Variants in PLPPR1 observed in about 807,000 individuals in gnomAD.
The protein encoded by PLPPR1 is phospholipid phosphatase related 1.
A neutral mutation model predicts 33.1 loss-of-function variants in PLPPR1; 10 were observed. That is an observed-to-expected ratio of 0.30 (90% CI 0.19 to 0.51). The LOEUF is 0.51. Among genes scored for constraint, PLPPR1 ranks in the 20% least tolerant of loss-of-function variants. PLPPR1 has a pLI of 0.97. For missense variants in PLPPR1, 304 were observed against 408.1 expected, an observed-to-expected ratio of 0.74 and a Z score of 2.20; for synonymous variants, 151 against 151.0, an observed-to-expected ratio of 1.00 and a Z score of 0.00.
chr9:101,131,850 C>G (rs1831317966), intron 1 of PLPPR1, among the ~76,000 whole-genome samples: 1 of 152,210 alleles, frequency 6.6e-6, no homozygotes, highest in African/African-American at 2.4e-5. Context: ...TTGCCACTTA[C>G]TGGCTGTGTG....
intron 4 of PLPPR1, among the ~76,000 whole-genome samples, chr9:101,294,553 A>G (rs1482252913): frequency 6.6e-6 from 1 of 151,858 alleles, no homozygotes; most frequent in Non-Finnish European, 1.5e-5. Flanking sequence ...AAAATCCTCA[A>G]TAAAATACTG....
chr9:101,305,013 T>C (rs1828831052), intron 4 of PLPPR1, among the ~76,000 whole-genome samples: 2 of 151,072 alleles, frequency 1.3e-5, no homozygotes, highest in Admixed American at 6.6e-5. Context: ...GAGAGGAGAG[T>C]CTTCAGCCAA....
At chr9:101,221,992 T>G (rs1826953053) in intron 2 of PLPPR1, among the ~76,000 whole-genome samples, 2 of 152,202 alleles carry the variant, frequency 1.3e-5, no homozygotes, top group Non-Finnish European at 1.5e-5. Flanking sequence ...AAAGAGACCA[T>G]GTAGAAAATC....
chr9:101,231,301 G>A (rs1827180165), intron 2 of PLPPR1, among the ~76,000 whole-genome samples: 2 of 150,082 alleles, frequency 1.3e-5, no homozygotes, highest in Non-Finnish European at 3.0e-5. Context: ...AAAAAAACTT[G>A]TAAGAGAGCA....
intron 4 of PLPPR1, among the ~76,000 whole-genome samples, chr9:101,286,647 T>C (rs903175834): frequency 6.6e-6 from 1 of 151,982 alleles, no homozygotes; most frequent in African/African-American, 2.4e-5. Context: ...TAACAAAGAG[T>C]GGGAAATCTC....
rs940481567 is a variant in PLPPR1 at position 101,324,847 on chromosome 9, A to T, written c.*790A>T. 7.2e-5 allele frequency: 11 copies of T among 152,622 alleles called. No individual in the cohort carries two copies. Among genetic ancestry groups the T allele is most frequent in the Admixed American group, 4.6e-4 (7 of 15,278 alleles). 9.5% of individuals were successfully genotyped at this position (152,622 alleles called of 1,614,324 possible). ...TTATATGGACTTTATATGAAAATGA[A>T]TATTTTACAGTTTGCACAGTATTAT... On this transcript the variant is annotated 3_prime_UTR_variant, in exon 8 of 8. Transcript: ENST00000374874.
At chr9:101,141,723 A>G (rs1329879976) in intron 1 of PLPPR1, among the ~76,000 whole-genome samples, 1 of 152,188 alleles carries the variant, frequency 6.6e-6, no homozygotes, top group African/African-American at 2.4e-5. Context: ...GACATGGGAA[A>G]GACGTAAAGA....
rs375882167 is a variant in PLPPR1, at chr9:101,106,413, T to A, written c.-46+77311T>A. ...TATTTCTCCTTCACTTATGAAGCTT[T>A]GTTTGGCTGGATATGAAATTCTGGG... On this transcript the variant is annotated intron_variant, in intron 1 of 7. Transcript: ENST00000374874. 1.1e-4 allele frequency among the ~76,000 whole-genome samples: 15 copies of A among 131,374 alleles called. No homozygotes were observed. The East Asian group carries it at 2.6e-3, about 22-fold the overall frequency. 86.2% of individuals were successfully genotyped at this position (131,374 alleles called of 152,430 possible).
intron 1 of PLPPR1, among the ~76,000 whole-genome samples, chr9:101,167,606 C>T (rs1267452010): frequency 1.3e-5 from 2 of 152,028 alleles, no homozygotes; most frequent in African/African-American, 4.8e-5. Flanking sequence ...AGAACTAGTG[C>T]AGACATCAAA....
chr9:101,224,869 CTG>C (rs1827029752), intron 2 of PLPPR1, among the ~76,000 whole-genome samples: 1 of 152,156 alleles, frequency 6.6e-6, no homozygotes, highest in Non-Finnish European at 1.5e-5. Flanking sequence ...CTGTCCAGGG[CTG>C]GTTCCTCCAG....
At chr9:101,300,631 G>A (rs532700802) in intron 4 of PLPPR1, among the ~76,000 whole-genome samples, 1 of 152,298 alleles carries the variant, frequency 6.6e-6, no homozygotes, top group African/African-American at 2.4e-5. Flanking sequence ...CAGATCATCA[G>A]CTTCAGCTTT....
At chr9:101,208,935 A>C (rs527591122) in intron 2 of PLPPR1, among the ~76,000 whole-genome samples, 1 of 152,290 alleles carries the variant, frequency 6.6e-6, no homozygotes, top group East Asian at 1.9e-4. Context: ...TCATTCACTT[A>C]CTGTCATTTA....
chr9:101,135,968 C>T (rs12352382), intron 1 of PLPPR1, among the ~76,000 whole-genome samples: 192 of 152,274 alleles, frequency 1.3e-3, no homozygotes, highest in African/African-American at 4.3e-3. Flanking sequence ...GGTCAGAAAC[C>T]GTAGGCAAAA....
At chr9:101,193,770 T>C (rs1295639512) in intron 2 of PLPPR1, among the ~76,000 whole-genome samples, 1 of 152,212 alleles carries the variant, frequency 6.6e-6, no homozygotes, top group Non-Finnish European at 1.5e-5. Flanking sequence ...GAGGAGCTAA[T>C]TGATTTACTT....
At chr9:101,158,380 G>C (rs931467299) in intron 1 of PLPPR1, among the ~76,000 whole-genome samples, 1 of 152,108 alleles carries the variant, frequency 6.6e-6, no homozygotes, top group South Asian at 2.1e-4. Context: ...TGAGATGGAA[G>C]GTGATAGGAC....
At chr9:101,114,985 G>T (rs2993809) in intron 1 of PLPPR1, among the ~76,000 whole-genome samples, 93,816 of 151,936 alleles carry the variant, frequency 0.62, 29,442 homozygotes, top group Non-Finnish European at 0.68. Flanking sequence ...ATCTCTTGTA[G>T]CTAATTATGT....
Position 101,309,356 on chromosome 9 carries a change from C to T in PLPPR1, c.531C>T (p.Asn177=). Residue 177 remains asparagine (N), a synonymous_variant, in exon 5 of 8, where the codon AAC becomes AAT. Coordinates refer to ENST00000374874, the MANE Select transcript of PLPPR1 (RefSeq NM_207299.2). ...ADCQAHHQFI[N]NGNICTGDLE... ...GCCAAGCGCACCACCAGTTTATAAA[C>T]AATGGGAACATTTGTACTGGGGACC... is the stretch of plus-strand genomic sequence containing the variant. The T allele has an allele frequency of 6.2e-7, 1 of 1,614,118 alleles. No homozygotes were observed. The highest frequency in any genetic ancestry group is 1.1e-5 in the South Asian group (1 of 91,078).
Position 101,205,807 on chromosome 9 carries a change from CTA to C in PLPPR1, c.63+20252_63+20253del, listed in dbSNP as rs1408486902. On this transcript the variant is annotated intron_variant, in intron 2 of 7. Coordinates refer to ENST00000374874, the MANE Select transcript of PLPPR1 (RefSeq NM_207299.2). ...ATATTTGAACTCTCCTGTAAATGGT[CTA>C]TGAGTGTCCTGTACTTACAGGCTTG... is the stretch of plus-strand genomic sequence containing the variant. Among the ~76,000 whole-genome samples, 11 of 152,332 alleles carry C rather than the reference CTA, an allele frequency of 7.2e-5. No homozygotes were observed. The East Asian group carries it at 1.7e-3, about 24-fold the overall frequency.
chr9:101,166,728 G>C (rs1825863154), intron 1 of PLPPR1, among the ~76,000 whole-genome samples: 2 of 152,100 alleles, frequency 1.3e-5, no homozygotes, highest in Non-Finnish European at 2.9e-5. Flanking sequence ...GGACTAGTAA[G>C]TCATTAATAA....
Sources: gnomAD v4.1 joint callset for allele counts (sites outside exome capture counted in the v4.1 genomes callset) on GRCh38, gnomAD v4.1.1 for gene constraint, MANE v1.5 for transcripts, NCBI Gene and HGNC (gene_info 2026-07-23, HGNC 2026-07-21) for gene names.